RBFOX1: variants seen among roughly 807,000 people sequenced by gnomAD.
The protein encoded by RBFOX1 is RNA binding fox-1 homolog 1, also known as RNA binding protein fox-1 homolog 1.
Under a neutral mutation model 57.7 loss-of-function variants are expected in RBFOX1, and 8 were observed. The observed-to-expected ratio is 0.14, with a 90% CI of 0.08 to 0.25. RBFOX1 has a LOEUF of 0.25. Among genes scored for constraint, RBFOX1 ranks in the 10% least tolerant of loss-of-function variants. RBFOX1 has a pLI of 1.00. For missense variants in RBFOX1, 611 were observed against 548.5 expected (o/e 1.11, Z -1.14); for synonymous variants, 326 against 222.4 (o/e 1.47, Z -4.15).
chr16:5,383,398 C>A (rs530278932), intron 1 of RBFOX1, among the ~76,000 whole-genome samples: 22 of 152,218 alleles, frequency 1.4e-4, no homozygotes, highest in Non-Finnish European at 2.4e-4. Flanking sequence ...TCTCCTCTAA[C>A]CCAAGGCAGC....
chr16:7,556,347 A>G (rs2088475596), intron 5 of RBFOX1, among the ~76,000 whole-genome samples: 1 of 152,176 alleles, frequency 6.6e-6, no homozygotes. Context: ...TCATTAAACC[A>G]CGGCACATGA....
intron 3 of RBFOX1, among the ~76,000 whole-genome samples, chr16:6,910,433 A>G (rs1481664903): frequency 2.0e-5 from 3 of 152,194 alleles, no homozygotes; most frequent in African/African-American, 2.4e-5. Context: ...CCCAGGTTCA[A>G]TGCTGGAGTA....
At chr16:6,528,635 T>C (rs2096614571) in intron 2 of RBFOX1, among the ~76,000 whole-genome samples, 1 of 152,238 alleles carries the variant, frequency 6.6e-6, no homozygotes, top group South Asian at 2.1e-4. Flanking sequence ...GTGAACCAGC[T>C]GTGGGCAGGG....
intron 1 of RBFOX1, among the ~76,000 whole-genome samples, chr16:5,343,707 A>G (rs1319393436): frequency 2.0e-5 from 3 of 152,208 alleles, no homozygotes; most frequent in Non-Finnish European, 2.9e-5. Context: ...TCAAATGAAT[A>G]GTGAAATAAG....
At chr16:6,302,727 C>G (rs1370761986) in intron 1 of RBFOX1, among the ~76,000 whole-genome samples, 1 of 152,156 alleles carries the variant, frequency 6.6e-6, no homozygotes, top group Non-Finnish European at 1.5e-5. Flanking sequence ...CTTGTGCAAA[C>G]AGGAGACTGA....
In RBFOX1 at chr16:7,265,958, G is replaced by GTATT. The variant is rs1567956396; in HGVS notation, c.27+213861_27+213862insATTT. 3.7e-5 allele frequency among the ~76,000 whole-genome samples: 4 copies of GTATT among 107,604 alleles called. 1 individual carries two copies. The highest frequency in any genetic ancestry group is 4.6e-5 in the African/African-American group (1 of 21,738). The allele number at this position is 107,604 out of a possible 152,430, so 70.6% of individuals were successfully genotyped here. Reference sequence around the variant, plus strand: ...GTGAGTGAGTTATGAGATCTGGTGGGTTTTTGTTTTTTTTTTTTTTTTTTT... The same window carrying GTATT: ...GTGAGTGAGTTATGAGATCTGGTGGGTATTTTTTTGTTTTTTTTTTTTTTTTTTT... On this transcript the variant is annotated intron_variant, in intron 4 of 15. Coordinates refer to ENST00000550418, the MANE Select transcript of RBFOX1 (RefSeq NM_018723.4).
chr16:6,536,979 C>G lies in RBFOX1; in HGVS notation c.-63-117624C>G, dbSNP rs1299134269. ...TCTACTAGTCTAAGGGGATTCCTTC[C>G]TATCCATTGTCTTTTCTGGGGAAAG... On this transcript the variant is annotated intron_variant, in intron 2 of 15. Coordinates refer to ENST00000550418, the MANE Select transcript of RBFOX1 (RefSeq NM_018723.4). Among the ~76,000 whole-genome samples the G allele has an allele frequency of 2.6e-5, 4 of 152,120 alleles. No homozygotes were observed. The East Asian group carries it at 7.7e-4, about 29-fold the overall frequency.
At chr16:7,067,694 C>T (rs141365918) in intron 4 of RBFOX1, among the ~76,000 whole-genome samples, 1 of 120,044 alleles carries the variant, frequency 8.3e-6, no homozygotes. Flanking sequence ...CGTCCCCCCA[C>T]CCCACAACAA....
intron 1 of RBFOX1, among the ~76,000 whole-genome samples, chr16:6,196,480 T>C (rs2097180600): frequency 6.6e-6 from 1 of 152,194 alleles, no homozygotes; most frequent in Non-Finnish European, 1.5e-5. Context: ...AAATCTGGAC[T>C]TTTATTAACG....
At chr16:5,456,900 C>G (rs972621278) in intron 1 of RBFOX1, among the ~76,000 whole-genome samples, 1 of 152,208 alleles carries the variant, frequency 6.6e-6, no homozygotes, top group Non-Finnish European at 1.5e-5. Flanking sequence ...TTAAACCTTT[C>G]TTGTCTCTAG....
At chr16:6,537,474 C>A (rs1395146670) in intron 2 of RBFOX1, among the ~76,000 whole-genome samples, 1 of 152,136 alleles carries the variant, frequency 6.6e-6, no homozygotes, top group Admixed American at 6.5e-5. Flanking sequence ...GTGCTTATCT[C>A]CATGACAGAG....
At chr16:5,815,870 G>A (rs557581297) in intron 3 of RBFOX1, among the ~76,000 whole-genome samples, 7 of 152,288 alleles carry the variant, frequency 4.6e-5, no homozygotes, top group South Asian at 2.1e-4. Flanking sequence ...GGCAGGGGCT[G>A]GGAGCCTGGG....
At chr16:6,416,225 T>C (rs920853092) in intron 2 of RBFOX1, among the ~76,000 whole-genome samples, 8 of 152,196 alleles carry the variant, frequency 5.3e-5, no homozygotes, top group Non-Finnish European at 8.8e-5. Context: ...TAATTTTCCA[T>C]CGGGTGGATT....
chr16:5,727,636 C>G (rs1215883341), intron 3 of RBFOX1, among the ~76,000 whole-genome samples: 1 of 152,106 alleles, frequency 6.6e-6, no homozygotes. Flanking sequence ...CCCATTTACC[C>G]ACCCTCAAGC....
At chr16:5,864,316 A>G (rs780175705) in intron 3 of RBFOX1, among the ~76,000 whole-genome samples, 15 of 152,174 alleles carry the variant, frequency 9.9e-5, no homozygotes, top group Non-Finnish European at 2.1e-4. Flanking sequence ...CCTGGTTTAA[A>G]CGTATATTTA....
chr16:6,892,326 C>T (rs1275997642), intron 3 of RBFOX1, among the ~76,000 whole-genome samples: 1 of 152,172 alleles, frequency 6.6e-6, no homozygotes, highest in Non-Finnish European at 1.5e-5. Flanking sequence ...AAAAATAACT[C>T]ATTTGAAAAG....
At chr16:7,387,451 T>G (rs193112097) in intron 4 of RBFOX1, among the ~76,000 whole-genome samples, 1 of 152,326 alleles carries the variant, frequency 6.6e-6, no homozygotes, top group East Asian at 1.9e-4. Context: ...TACCCCTGTC[T>G]TCCAAATGCA....
At chr16:6,282,091 C>G (rs1250418870) in intron 1 of RBFOX1, among the ~76,000 whole-genome samples, 1 of 152,108 alleles carries the variant, frequency 6.6e-6, no homozygotes, top group African/African-American at 2.4e-5. Flanking sequence ...AGTAAGAGTT[C>G]TGAATTAAAG....
intron 2 of RBFOX1, among the ~76,000 whole-genome samples, chr16:5,509,569 G>A (rs908631679): frequency 1.3e-5 from 2 of 152,244 alleles, no homozygotes; most frequent in Non-Finnish European, 2.9e-5. Context: ...GGTGTTGTTA[G>A]AGTCTTTGTC....
Sources: gnomAD v4.1 joint callset for allele counts (sites outside exome capture counted in the v4.1 genomes callset) on GRCh38, gnomAD v4.1.1 for gene constraint, MANE v1.5 for transcripts, NCBI Gene and HGNC (gene_info 2026-07-23, HGNC 2026-07-21) for gene names.